The following IPCEF1 variants were observed in gnomAD, a reference collection of about 807,000 sequenced individuals.
The protein encoded by IPCEF1 is interactor protein for cytohesin exchange factors 1.
Under a neutral mutation model 50.9 loss-of-function variants are expected in IPCEF1, and 31 were observed. That is an observed-to-expected ratio of 0.61 (90% confidence interval 0.46 to 0.82). IPCEF1 has a LOEUF of 0.82. Ranked by LOEUF, IPCEF1 falls within the 40% of genes least tolerant of loss-of-function variation. The pLI, the probability that IPCEF1 is intolerant of heterozygous loss-of-function variation, is 0.00. For synonymous variants in IPCEF1, 181 were observed against 192.0 expected, an observed-to-expected ratio of 0.94 and a Z score of 0.47; for missense variants, 458 against 514.0, an observed-to-expected ratio of 0.89 and a Z score of 1.05.
At chr6:154,247,012 C>A (rs960767960) in intron 4 of IPCEF1, 6 of 438,408 alleles carry the variant, frequency 1.4e-5, no homozygotes, top group African/African-American at 1.2e-4. Context: ...TAAGATACGG[C>A]CAAAGAAACA....
At chr6:154,342,500 C>T (rs887647435) in intron 1 of IPCEF1, among the ~76,000 whole-genome samples, 1 of 152,184 alleles carries the variant, frequency 6.6e-6, no homozygotes, top group Non-Finnish European at 1.5e-5. Flanking sequence ...TAGCTCACTA[C>T]AGCCTTGACT....
chr6:154,301,270 G>A (rs545562610), intron 1 of IPCEF1, among the ~76,000 whole-genome samples: 1 of 152,250 alleles, frequency 6.6e-6, no homozygotes, highest in South Asian at 2.1e-4. Flanking sequence ...GGAATGATGA[G>A]GGAAGGGACC....
At chr6:154,209,438 C>G (rs1777778964) in intron 9 of IPCEF1, among the ~76,000 whole-genome samples, 1 of 151,988 alleles carries the variant, frequency 6.6e-6, no homozygotes, top group Non-Finnish European at 1.5e-5. Flanking sequence ...ATCACTTGAG[C>G]TCAGGAGCCA....
chr6:154,334,901 C>T (rs1399323994), intron 1 of IPCEF1, among the ~76,000 whole-genome samples: 1 of 152,128 alleles, frequency 6.6e-6, no homozygotes, highest in East Asian at 1.9e-4. Flanking sequence ...TTTTCCCCCA[C>T]CTCCCAACCT....
chr6:154,341,292 C>T (rs1228190302), intron 1 of IPCEF1, among the ~76,000 whole-genome samples: 1 of 152,142 alleles, frequency 6.6e-6, no homozygotes, highest in African/African-American at 2.4e-5. Context: ...GGGACAGCAA[C>T]ACAGGGTGCC....
intron 8 of IPCEF1, 126 bp from the exon 9 acceptor site, chr6:154,212,981 T>G: frequency 1.4e-6 from 1 of 695,462 alleles, no homozygotes; most frequent in East Asian, 2.7e-5. Flanking sequence ...TCATATCTAA[T>G]GAACTACCTG....
At chr6:154,209,893 A>G (rs1044710528) in intron 9 of IPCEF1, among the ~76,000 whole-genome samples, 8 of 152,212 alleles carry the variant, frequency 5.3e-5, no homozygotes, top group Admixed American at 5.2e-4. Flanking sequence ...TGTTAGCATT[A>G]ATGGCCTGCC....
chr6:154,178,553 G>A (rs1043043730), intron 10 of IPCEF1, among the ~76,000 whole-genome samples: 8 of 152,060 alleles, frequency 5.3e-5, no homozygotes, highest in Non-Finnish European at 1.2e-4. Context: ...GGGCAACTGT[G>A]TATATGTAAA....
intron 1 of IPCEF1, among the ~76,000 whole-genome samples, chr6:154,301,506 A>C (rs953863): frequency 0.07 from 10,736 of 152,284 alleles, 552 homozygotes; most frequent in African/African-American, 0.14. Context: ...AGCATAGAAC[A>C]GGCTGCATTC....
In IPCEF1 at chr6:154,159,745, T is replaced by C; in HGVS notation, c.*83A>G. On this transcript the variant is annotated 3_prime_UTR_variant, in exon 12 of 12. Transcript: ENST00000367220. ...TTGAAGGACTGGGTTTCAGTTTTCC[T>C]TTTAAGGAAAAATGTAAGCTTTTGC... 2 of 1,127,438 alleles carry C rather than the reference T, an allele frequency of 1.8e-6. No individual in the cohort carries two copies. Among genetic ancestry groups the C allele is most frequent in the Non-Finnish European group, 2.6e-6 (2 of 775,220 alleles). The allele number at this position is 1,127,438 out of a possible 1,614,324, so 69.8% of individuals were successfully genotyped here. A position where few individuals can be genotyped will look rare whatever the true frequency, so the allele number is the denominator to read the frequency against.
At chr6:154,329,345 C>T (rs1783599845) in intron 1 of IPCEF1, among the ~76,000 whole-genome samples, 1 of 152,074 alleles carries the variant, frequency 6.6e-6, no homozygotes, top group Non-Finnish European at 1.5e-5. Context: ...CTTGTAATAT[C>T]AACATTTTGG....
At chr6:154,286,100 C>T (rs1393040079) in intron 2 of IPCEF1, among the ~76,000 whole-genome samples, 1 of 152,030 alleles carries the variant, frequency 6.6e-6, no homozygotes, top group Admixed American at 6.6e-5. Context: ...AGAATGTAGG[C>T]ACATGTGAAT....
At chr6:154,253,708 T>G (rs1781393162) in intron 3 of IPCEF1, among the ~76,000 whole-genome samples, 1 of 152,220 alleles carries the variant, frequency 6.6e-6, no homozygotes, top group Admixed American at 6.5e-5. Flanking sequence ...CCCACGTTTC[T>G]TCCAAAGTGT....
intron 2 of IPCEF1, among the ~76,000 whole-genome samples, chr6:154,279,374 T>C (rs998517013): frequency 1.3e-5 from 2 of 152,214 alleles, no homozygotes; most frequent in African/African-American, 4.8e-5. Flanking sequence ...TGTTCATTCA[T>C]TGGAAGACTC....
rs180970568 is a variant in IPCEF1, at chr6:154,308,229, C to T, written c.-61-18473G>A. 1.4e-3 allele frequency among the ~76,000 whole-genome samples: 216 copies of T among 152,308 alleles called. 2 individuals are homozygous for T. Among genetic ancestry groups the T allele is most frequent in the African/African-American group, 5.0e-3 (207 of 41,562 alleles). On this transcript the variant is annotated intron_variant, in intron 1 of 11. Coordinates refer to ENST00000367220, the MANE Select transcript of IPCEF1 (RefSeq NM_001130700.2). ...TCCCAGGCTCAAGCGATCCTCAAAC[C>T]CCAGCTTTCCAAGTAGCTGGGACTA...
intron 2 of IPCEF1, among the ~76,000 whole-genome samples, chr6:154,287,495 T>C (rs768786606): frequency 2.6e-5 from 4 of 152,222 alleles, no homozygotes; most frequent in Non-Finnish European, 4.4e-5. Context: ...TGTCTCCATT[T>C]AACAGATGAG....
At position 154,159,653 on chromosome 6, in the gene IPCEF1, TGAG is replaced by T; in HGVS notation, c.*172_*174del. ...CTCAATGGATGCGTTACGACTGAAA[TGAG>T]GAGCCCTGGTGTATTCGGTGATTAT... is the stretch of plus-strand genomic sequence containing the variant. On this transcript the variant is annotated 3_prime_UTR_variant, in exon 12 of 12. Coordinates refer to ENST00000367220, the MANE Select transcript of IPCEF1 (RefSeq NM_001130700.2). The T allele has an allele frequency of 1.6e-6, 1 of 613,220 alleles. No individual in the cohort carries two copies. Among genetic ancestry groups the T allele is most frequent in the Non-Finnish European group, 2.8e-6 (1 of 351,962 alleles). 38.0% of individuals were successfully genotyped at this position (613,220 alleles called of 1,614,324 possible).
intron 1 of IPCEF1, among the ~76,000 whole-genome samples, chr6:154,341,253 G>A (rs1210866453): frequency 6.6e-6 from 1 of 152,126 alleles, no homozygotes; most frequent in Non-Finnish European, 1.5e-5. Context: ...AGTGATTTTG[G>A]GGGCTCAAGA....
chr6:154,192,479 G>A (rs1474158022), intron 10 of IPCEF1, among the ~76,000 whole-genome samples: 1 of 151,910 alleles, frequency 6.6e-6, no homozygotes, highest in Non-Finnish European at 1.5e-5. Context: ...TATAAATATC[G>A]AGTCATGAAA....
Sources: gnomAD v4.1 joint callset for allele counts (sites outside exome capture counted in the v4.1 genomes callset) on GRCh38, gnomAD v4.1.1 for gene constraint, MANE v1.5 for transcripts, NCBI Gene and HGNC (gene_info 2026-07-23, HGNC 2026-07-21) for gene names.